Variants in NPAT observed in about 807,000 individuals in gnomAD.
NPAT encodes nuclear protein, coactivator of histone transcription.
Under a neutral mutation model 130.7 loss-of-function variants are expected in NPAT, and 52 were observed. The observed-to-expected ratio is 0.40, with a 90% CI of 0.32 to 0.50. The LOEUF (loss-of-function observed/expected upper bound fraction) is 0.50. NPAT is among the 20% of genes least tolerant of loss of function. NPAT has a pLI of 0.68. For missense variants in NPAT, 1,687 were observed against 1,662.6 expected (o/e 1.01, Z -0.26); for synonymous variants, 580 against 584.8 (o/e 0.99, Z 0.12).
intron 7 of NPAT, among the ~76,000 whole-genome samples, chr11:108,186,838 G>T (rs919265554): frequency 2.0e-5 from 3 of 152,032 alleles, no homozygotes; most frequent in Non-Finnish European, 2.9e-5. Flanking sequence ...ATCTGTGTTC[G>T]GTTGAAAAAA....
intron 2 of NPAT, among the ~76,000 whole-genome samples, chr11:108,197,058 T>TC (rs1313697138): frequency 1.3e-5 from 2 of 152,040 alleles, no homozygotes; most frequent in African/African-American, 4.8e-5. Flanking sequence ...GCGAAACTAA[T>TC]CAGAAACGAG....
chr11:108,217,285 G>A (rs1487433734), intron 1 of NPAT, among the ~76,000 whole-genome samples: 1 of 152,146 alleles, frequency 6.6e-6, no homozygotes, highest in Non-Finnish European at 1.5e-5. Flanking sequence ...CTGCAACCTT[G>A]AACTGGACTA....
intron 11 of NPAT, 46 bp downstream of exon 11, chr11:108,176,948 T>TTG (rs756220918): frequency 7.9e-6 from 10 of 1,272,594 alleles, no homozygotes; most frequent in Non-Finnish European, 1.1e-5. Context: ...ACCAAAGAAA[T>TTG]TGTAGAAGCC....
rs1193701064 is a variant in NPAT, at chr11:108,172,943, T to C, written c.2041A>G (p.Asn681Asp). The C allele has an allele frequency of 3.1e-6, 5 of 1,614,160 alleles. No homozygotes were observed. Among genetic ancestry groups the C allele is most frequent in the Non-Finnish European group, 4.2e-6 (5 of 1,180,030 alleles). The change falls in exon 13 of 18, where the codon AAC becomes GAC. Residue 681 changes from asparagine (N) to aspartate (D), a missense_variant. By Grantham distance (23) the Asn-to-Asp change is conservative. Coordinates refer to ENST00000278612, the MANE Select transcript of NPAT (RefSeq NM_002519.3). ...TIFLSLGGNA[N>D]CEKVALTPPE... ...GGCGTCAGTGCAACTTTCTCACAGTTAGCATTTCCACCTAAAGAGAGAAAA... is the reference window on the plus strand; with the variant it reads ...GGCGTCAGTGCAACTTTCTCACAGTCAGCATTTCCACCTAAAGAGAGAAAA...
chr11:108,163,515 G>GT (rs1216217137), intron 15 of NPAT, among the ~76,000 whole-genome samples: 18 of 152,298 alleles, frequency 1.2e-4, no homozygotes, highest in African/African-American at 4.3e-4. Context: ...TATATTCCAG[G>GT]TAAGAGATGA....
chr11:108,187,542 G>C (rs2078119722), intron 7 of NPAT, among the ~76,000 whole-genome samples: 1 of 152,170 alleles, frequency 6.6e-6, no homozygotes, highest in South Asian at 2.1e-4. Flanking sequence ...GGTCAGTCTT[G>C]AATGAAAGAC....
At chr11:108,192,515 G>C (rs2078179810) in intron 3 of NPAT, among the ~76,000 whole-genome samples, 1 of 152,110 alleles carries the variant, frequency 6.6e-6, no homozygotes, top group Admixed American at 6.5e-5. Flanking sequence ...GATATCATGT[G>C]ACATATGAAA....
At chr11:108,201,273 C>T (rs905638033) in intron 1 of NPAT, among the ~76,000 whole-genome samples, 9 of 152,160 alleles carry the variant, frequency 5.9e-5, no homozygotes, top group African/African-American at 2.2e-4. Context: ...AACCCTCAAG[C>T]AACTGAGAGG....
intron 3 of NPAT, among the ~76,000 whole-genome samples, chr11:108,192,765 C>A (rs903378640): frequency 1.1e-4 from 16 of 151,990 alleles, no homozygotes; most frequent in Admixed American, 9.8e-4. Flanking sequence ...ACCAACCTGG[C>A]CAACATAGTG....
intron 8 of NPAT, among the ~76,000 whole-genome samples, chr11:108,185,795 A>G (rs890697356): frequency 6.6e-6 from 1 of 152,218 alleles, no homozygotes; most frequent in Admixed American, 6.5e-5. Context: ...CAGTGGCACA[A>G]TCTCAGTTCA....
At chr11:108,160,520 G>A (rs369125170) in intron 17 of NPAT, among the ~76,000 whole-genome samples, 3 of 152,024 alleles carry the variant, frequency 2.0e-5, no homozygotes, top group African/African-American at 4.8e-5. Context: ...ACTATGTCAC[G>A]CTCATGAAAA....
At chr11:108,170,870 C>G (rs528209315) in intron 13 of NPAT, among the ~76,000 whole-genome samples, 3 of 152,206 alleles carry the variant, frequency 2.0e-5, no homozygotes, top group African/African-American at 7.2e-5. Flanking sequence ...TGTAACAGCA[C>G]GTAAAACAGA....
Position 108,173,596 on chromosome 11 carries a change from C to T in NPAT, c.1388G>A (p.Cys463Tyr). The T allele has an allele frequency of 1.2e-6, 2 of 1,614,190 alleles. No individual in the cohort carries two copies. The highest frequency in any genetic ancestry group is 3.3e-4 in the Middle Eastern group (2 of 6,062). The change falls in exon 13 of 18, where the codon TGT (cysteine) becomes TAT (tyrosine). Residue 463 changes from cysteine (C) to tyrosine (Y), a missense_variant. Physicochemically the swap from Cys to Tyr is radical, Grantham distance 194. Transcript: ENST00000278612. ...FNQRGNSNAE[C>Y]NPHCAELYTN... ...GTATAATTCAGCACAATGTGGATTACATTCAGCATTAGAATTCCCTCTTTG... is the reference window on the plus strand; with the variant it reads ...GTATAATTCAGCACAATGTGGATTATATTCAGCATTAGAATTCCCTCTTTG...
At position 108,161,374 on chromosome 11, in the gene NPAT, C is replaced by T. The variant is rs200156065; in HGVS notation, c.3712G>A (p.Ala1238Thr). 2.7e-4 allele frequency: 438 copies of T among 1,613,980 alleles called. No individual in the cohort carries two copies. The highest frequency in any genetic ancestry group is 3.5e-4 in the Non-Finnish European group (409 of 1,180,010). Residue 1238 changes from alanine (A) to threonine (T), a missense_variant, in exon 17 of 18, where the codon GCC becomes ACC. This residue lies in a region of NPAT where 1,379 missense variants were observed against 1,346.6 expected (regional missense o/e 1.02). Transcript: ENST00000278612. ...KDLKQEQTKS[A>T]SSLITTEMLQ... ...ATTTCTGTGGTAATCAAAGAACTGG[C>T]GGATTTAGTTTGTTCTTGTTTTAGA...
intron 3 of NPAT, among the ~76,000 whole-genome samples, chr11:108,192,949 C>T (rs906452147): frequency 3.3e-5 from 5 of 150,126 alleles, no homozygotes; most frequent in African/African-American, 7.4e-5. Flanking sequence ...GCGAGACTCC[C>T]GTCTCAAAAA....
intron 6 of NPAT, among the ~76,000 whole-genome samples, chr11:108,188,423 A>T (rs887413603): frequency 1.3e-5 from 2 of 152,244 alleles, no homozygotes; most frequent in African/African-American, 4.8e-5. Context: ...ATACAGTAGA[A>T]TGGAAAAAGT....
Position 108,198,458 on chromosome 11 carries a change from A to C in NPAT, c.38-1038T>G, listed in dbSNP as rs1046173000. Among the ~76,000 whole-genome samples, 3 of 152,142 alleles carry C rather than the reference A, an allele frequency of 2.0e-5. No homozygotes were observed. The East Asian group carries it at 5.8e-4, about 29-fold the overall frequency. On this transcript the variant is annotated intron_variant, in intron 1 of 17. Transcript: ENST00000278612. ...GAGAATAATCTCTCACAACATAGAA[A>C]ATATGAATAAAGAAATACAGTTGAT...
intron 17 of NPAT, among the ~76,000 whole-genome samples, chr11:108,160,194 A>C (rs899719561): frequency 6.6e-6 from 1 of 151,816 alleles, no homozygotes; most frequent in Non-Finnish European, 1.5e-5. Context: ...GCAGTGGCGC[A>C]TGCCTGTAGT....
At chr11:108,222,068 G>A (rs2078515414) in intron 1 of NPAT, among the ~76,000 whole-genome samples, 1 of 152,154 alleles carries the variant, frequency 6.6e-6, no homozygotes, top group African/African-American at 2.4e-5. Context: ...CGCCAGGAAG[G>A]TCTCTCTACA....
Sources: gnomAD v4.1 joint callset for allele counts (sites outside exome capture counted in the v4.1 genomes callset) on GRCh38, gnomAD v4.1.1 for gene constraint, gnomAD v4.1.1 regional missense constraint, MANE v1.5 for transcripts, NCBI Gene and HGNC (gene_info 2026-07-23, HGNC 2026-07-21) for gene names.